The following SLC20A2 variants were observed in gnomAD, a reference collection of about 807,000 sequenced individuals.
SLC20A2 encodes the protein sodium-dependent phosphate transporter 2.
Under a neutral mutation model 61.0 loss-of-function variants are expected in SLC20A2, and 30 were observed. The ratio of observed to expected loss-of-function variants is 0.49; its 90% CI spans 0.37 to 0.67. SLC20A2 has a LOEUF of 0.67. Among genes scored for constraint, SLC20A2 ranks in the 30% least tolerant of loss-of-function variants. The pLI is 0.00. For missense variants in SLC20A2, 626 were observed against 866.4 expected (o/e 0.72, Z 3.48); for synonymous variants, 351 against 353.3 (o/e 0.99, Z 0.07).
chr8:42,458,858 A>G (rs1021656098), intron 5 of SLC20A2, among the ~76,000 whole-genome samples: 5 of 151,730 alleles, frequency 3.3e-5, no homozygotes, highest in Non-Finnish European at 7.4e-5. Flanking sequence ...GCAGTGAGCC[A>G]AGATAGCGCC....
At chr8:42,434,905 C>T (rs190467484) in intron 8 of SLC20A2, among the ~76,000 whole-genome samples, 44 of 151,484 alleles carry the variant, frequency 2.9e-4, no homozygotes, top group African/African-American at 1.1e-3. Context: ...CGTGTGAGTG[C>T]GCATGTGAGT....
At chr8:42,538,209 C>T (rs1458760427) in intron 1 of SLC20A2, 3 of 148,854 alleles carry the variant, frequency 2.0e-5, no homozygotes, top group African/African-American at 4.9e-5. Context: ...TATAAACCTA[C>T]TCTGTATATA....
At chr8:42,527,860 T>C (rs1205113004) in intron 1 of SLC20A2, among the ~76,000 whole-genome samples, 4 of 152,130 alleles carry the variant, frequency 2.6e-5, no homozygotes, top group Non-Finnish European at 4.4e-5. Flanking sequence ...TAAATGAAAT[T>C]AGAATTAAAA....
At chr8:42,500,920 C>T (rs566056186) in intron 1 of SLC20A2, 111 bp downstream of exon 1, 1 of 152,254 alleles carries the variant, frequency 6.6e-6, no homozygotes, top group African/African-American at 2.4e-5. Flanking sequence ...AACGTACCAA[C>T]CTGAAAGCTT....
At chr8:42,434,192 T>G (rs1481609970) in intron 8 of SLC20A2, among the ~76,000 whole-genome samples, 1 of 151,776 alleles carries the variant, frequency 6.6e-6, no homozygotes, top group Non-Finnish European at 1.5e-5. Context: ...GTTCAAGTGA[T>G]TCTTGTGCCT....
chr8:42,480,899 G>A (rs1404801995), intron 1 of SLC20A2, among the ~76,000 whole-genome samples: 2 of 152,122 alleles, frequency 1.3e-5, no homozygotes, highest in Non-Finnish European at 2.9e-5. Flanking sequence ...GGACTCAACT[G>A]ATTCTCCCGC....
chr8:42,501,246 G>A (rs1810294608), upstream of SLC20A2: 1 of 152,218 alleles, frequency 6.6e-6, no homozygotes, highest in Non-Finnish European at 1.5e-5. Context: ...TGCATCATGT[G>A]TGCCGGGATT....
At chr8:42,430,664 A>G (rs1369154918) in intron 8 of SLC20A2, among the ~76,000 whole-genome samples, 1 of 152,090 alleles carries the variant, frequency 6.6e-6, no homozygotes, top group Non-Finnish European at 1.5e-5. Context: ...CCTGGCCTTC[A>G]GATAGGATGT....
upstream of SLC20A2, among the ~76,000 whole-genome samples, chr8:42,503,085 A>G (rs1237834140): frequency 6.6e-6 from 1 of 152,222 alleles, no homozygotes. Flanking sequence ...CCGGTTCCTC[A>G]CATGTCAGAT....
chr8:42,541,434 G>C (rs1813144309), intron 1 of SLC20A2: 1 of 147,162 alleles, frequency 6.8e-6, no homozygotes, highest in Admixed American at 6.7e-5. Context: ...TAGGGGAAAG[G>C]AGCCCGGCTC....
Position 42,497,714 on chromosome 8 carries a change from G to GTTT in SLC20A2, c.-265+3314_-265+3316dup, listed in dbSNP as rs35618027. On this transcript the variant is annotated intron_variant, in intron 1 of 10. Transcript: ENST00000520262. Reference sequence around the variant, plus strand: ...GGTATCATTTTCCAACCCTCAATTGGTTTTTTTTTTTTTTTTGAGGTTCTT... The same window carrying GTTT: ...GGTATCATTTTCCAACCCTCAATTGGTTTTTTTTTTTTTTTTTTTGAGGTTCTT... 7.3e-3 allele frequency among the ~76,000 whole-genome samples: 991 copies of GTTT among 135,560 alleles called. 6 individuals carry two copies. The highest frequency in any genetic ancestry group is 0.026 in the African/African-American group (948 of 36,864). 88.9% of individuals were successfully genotyped at this position (135,560 alleles called of 152,430 possible).
At chr8:42,468,883 G>A (rs1446083991) in intron 2 of SLC20A2, among the ~76,000 whole-genome samples, 1 of 152,200 alleles carries the variant, frequency 6.6e-6, no homozygotes, top group Non-Finnish European at 1.5e-5. Context: ...TGAATTCTCA[G>A]ATTTTTGGAA....
intron 1 of SLC20A2, among the ~76,000 whole-genome samples, chr8:42,499,140 G>A (rs1465647202): frequency 6.6e-6 from 1 of 152,148 alleles, no homozygotes; most frequent in African/African-American, 2.4e-5. Context: ...CTGCGGCGTG[G>A]GAACAGCAGG....
intron 1 of SLC20A2, among the ~76,000 whole-genome samples, chr8:42,483,115 C>T (rs537993622): frequency 1.3e-5 from 2 of 151,942 alleles, no homozygotes; most frequent in African/African-American, 2.4e-5. Context: ...GGAGGCCAAG[C>T]TGGGTGGATC....
chr8:42,421,773 C>T (rs191656587), intron 10 of SLC20A2, among the ~76,000 whole-genome samples: 80 of 152,180 alleles, frequency 5.3e-4, no homozygotes, highest in African/African-American at 1.9e-3. Flanking sequence ...CATTATGGCA[C>T]TCCAGCCTGG....
At chr8:42,496,237 C>T (rs1809917451) in intron 1 of SLC20A2, among the ~76,000 whole-genome samples, 1 of 152,160 alleles carries the variant, frequency 6.6e-6, no homozygotes, top group African/African-American at 2.4e-5. Flanking sequence ...AAAACATGTC[C>T]TCAGAGAGCC....
intron 1 of SLC20A2, among the ~76,000 whole-genome samples, chr8:42,509,071 T>A (rs1035415197): frequency 6.6e-6 from 1 of 152,196 alleles, no homozygotes; most frequent in Non-Finnish European, 1.5e-5. Context: ...CTAAATGAGT[T>A]TTTCATTTGT....
At chr8:42,455,223 TA>T (rs1167685475) in intron 5 of SLC20A2, among the ~76,000 whole-genome samples, 816 of 49,660 alleles carry the variant, frequency 0.016, 7 homozygotes, top group Middle Eastern at 0.048. Flanking sequence ...AGACTCCGTC[TA>T]AAAAAAAAAA....
rs1968669 is a variant in SLC20A2 at position 42,530,940 on chromosome 8, G to A, written c.-265+10881C>T. ...TTACCATGTTGGCCAGGCTGGTCTC[G>A]AACTCCTGACCTCAAGTGATCTGCC... On this transcript the variant is annotated intron_variant, in intron 1 of 10. Transcript: ENST00000342228. Among the ~76,000 whole-genome samples, 451 of 152,182 alleles carry A rather than the reference G, an allele frequency of 3.0e-3. 4 individuals carry two copies. The highest frequency in any genetic ancestry group is 0.02 in the Admixed American group (307 of 15,276).
Sources: allele counts gnomAD v4.1 joint callset (sites outside exome capture counted in the v4.1 genomes callset), GRCh38; gene constraint gnomAD v4.1.1; transcripts MANE v1.5; gene names NCBI Gene and HGNC (gene_info 2026-07-23, HGNC 2026-07-21).